ARHGAP28: variants seen among roughly 807,000 people sequenced by gnomAD.
The protein encoded by ARHGAP28 is rho GTPase-activating protein 28.
In ARHGAP28, 56 loss-of-function variants were observed where a neutral mutation model predicts 90.7. That is an observed-to-expected ratio of 0.62 (90% confidence interval 0.50 to 0.77). The LOEUF is 0.77. Among genes scored for constraint, ARHGAP28 ranks in the 30% least tolerant of loss-of-function variants. The probability of loss-of-function intolerance (pLI) is 0.00; values close to 1 mark genes in which losing one functional copy is unlikely to be tolerated. For synonymous variants in ARHGAP28, 308 were observed against 323.3 expected (o/e 0.95, Z 0.51); for missense variants, 869 against 900.9 (o/e 0.96, Z 0.45).
rs1374421389 is a variant in ARHGAP28, at chr18:6,908,864, C to A, written c.2031-96C>A. 4.1e-6 allele frequency: 3 copies of A among 723,540 alleles called. No individual in the cohort carries two copies. The Admixed American group carries it at 7.5e-5, about 18-fold the overall frequency. The allele number at this position is 723,540 out of a possible 1,614,324, so 44.8% of individuals were successfully genotyped here. A position where few individuals can be genotyped will look rare whatever the true frequency, so the allele number is the denominator to read the frequency against. On this transcript the variant is annotated intron_variant, in intron 16 of 17. Transcript: ENST00000383472. Reference sequence around the variant, plus strand: ...TTTTGTGGGACACATTTCGTCAAGGCAGAATGAATTGTTTGTTGCCTGGTT... The same window carrying A: ...TTTTGTGGGACACATTTCGTCAAGGAAGAATGAATTGTTTGTTGCCTGGTT...
At chr18:6,785,342 G>A (rs2056357213) in intron 1 of ARHGAP28, among the ~76,000 whole-genome samples, 1 of 152,126 alleles carries the variant, frequency 6.6e-6, no homozygotes, top group African/African-American at 2.4e-5. Context: ...CATTCAAGAG[G>A]ACCAGGTGTG....
At chr18:6,843,900 C>T (rs1338481666) in intron 3 of ARHGAP28, among the ~76,000 whole-genome samples, 1 of 152,086 alleles carries the variant, frequency 6.6e-6, no homozygotes, top group Non-Finnish European at 1.5e-5. Context: ...AAGGAATAGA[C>T]ATTTAACCTT....
At chr18:6,855,275 C>T (rs67382010) in intron 4 of ARHGAP28, among the ~76,000 whole-genome samples, 17,346 of 152,178 alleles carry the variant, frequency 0.11, 1,376 homozygotes, top group East Asian at 0.32. Flanking sequence ...ACCATTCAGT[C>T]AATTGGATGG....
chr18:6,876,181 ACTT>A lies in ARHGAP28; in HGVS notation c.1264_1266del (p.Leu422del). 6.2e-7 allele frequency: 1 copy of A among 1,614,056 alleles called. No homozygotes were observed. The highest frequency in any genetic ancestry group is 8.5e-7 in the Non-Finnish European group (1 of 1,179,978). On this transcript the variant is annotated inframe_deletion, in exon 10 of 18. Transcript: ENST00000383472. The stretch of plus-strand genomic sequence containing the variant: ...GTCTGGAATCTGAAGGAATTTTTCG[ACTT>A]TCAGGATGTACTGCTAAAGTCAAGG...
chr18:6,882,493 A>T (rs1322708885), intron 11 of ARHGAP28, 194 bp downstream of exon 11: 8 of 445,326 alleles, frequency 1.8e-5, no homozygotes, highest in Non-Finnish European at 3.0e-5. Context: ...TTAGGGTTTT[A>T]TAATCATTAA....
At chr18:6,799,560 G>T (rs1451854560) in intron 1 of ARHGAP28, among the ~76,000 whole-genome samples, 4 of 152,060 alleles carry the variant, frequency 2.6e-5, no homozygotes, top group African/African-American at 7.2e-5. Context: ...CAGAACAGAG[G>T]TCTCAGAAAT....
chr18:6,811,735 T>G (rs1028619594), intron 1 of ARHGAP28, among the ~76,000 whole-genome samples: 1 of 152,168 alleles, frequency 6.6e-6, no homozygotes. Flanking sequence ...TTCTTTTTTT[T>G]AATTCTTCCT....
rs548099751 is a variant in ARHGAP28, at chr18:6,809,060, C to T, written c.123-15702C>T. On this transcript the variant is annotated intron_variant, in intron 1 of 17. Coordinates refer to ENST00000383472, the MANE Select transcript of ARHGAP28 (RefSeq NM_001366230.1). Reference sequence around the variant, plus strand: ...CTGCTTCTTCACCTCAGTGAGACTACTGGGCTCTGTGCAGGAACTCCTTCC... The same window carrying T: ...CTGCTTCTTCACCTCAGTGAGACTATTGGGCTCTGTGCAGGAACTCCTTCC... Among the ~76,000 whole-genome samples the T allele has an allele frequency of 1.9e-4, 29 of 152,326 alleles. 1 individual carries two copies. In the Middle Eastern group the frequency reaches 0.01, roughly 54 times the overall value.
At chr18:6,783,499 C>G (rs546370330) in intron 1 of ARHGAP28, among the ~76,000 whole-genome samples, 100 of 143,750 alleles carry the variant, frequency 7.0e-4, no homozygotes, top group African/African-American at 2.9e-3. Flanking sequence ...CGGGGTTTCT[C>G]CATGTTGGTC....
chr18:6,882,038 GT>G (rs1454006034), intron 10 of ARHGAP28, 98 bp from the exon 11 acceptor site: 15 of 1,170,184 alleles, frequency 1.3e-5, no homozygotes, highest in South Asian at 7.7e-5. Flanking sequence ...TTACCAGTCT[GT>G]TTACAAAAAC....
chr18:6,911,976 C>T (rs2057401777), intron 17 of ARHGAP28, 84 bp from the exon 18 acceptor site: 1 of 813,732 alleles, frequency 1.2e-6, no homozygotes, highest in East Asian at 2.7e-5. Flanking sequence ...ATTTGAACCT[C>T]ACAAACACAC....
rs890524356 is a variant in ARHGAP28, at chr18:6,799,296, A to G, written c.123-25466A>G. Among the ~76,000 whole-genome samples, 6 of 149,602 alleles carry G rather than the reference A, an allele frequency of 4.0e-5. No homozygotes were observed. The South Asian group carries it at 1.3e-3, about 31-fold the overall frequency. ...TAGATAGGAAGAATCAGTATTGTGA[A>G]AATGGCCATACTACCCAAAGTAATT... On this transcript the variant is annotated intron_variant, in intron 1 of 17. Coordinates refer to ENST00000383472, the MANE Select transcript of ARHGAP28 (RefSeq NM_001366230.1).
At chr18:6,758,318 T>C (rs917039484) in intron 1 of ARHGAP28, among the ~76,000 whole-genome samples, 3 of 151,758 alleles carry the variant, frequency 2.0e-5, no homozygotes, top group South Asian at 4.1e-4. Context: ...GAGATTCTGC[T>C]CTGGAGTCTG....
intron 9 of ARHGAP28, among the ~76,000 whole-genome samples, chr18:6,874,143 A>G (rs1227939957): frequency 6.6e-6 from 1 of 152,254 alleles, no homozygotes; most frequent in African/African-American, 2.4e-5. Flanking sequence ...CTAGATAAAG[A>G]TGACCATTAA....
At chr18:6,742,668 G>C (rs1027498331) in intron 1 of ARHGAP28, among the ~76,000 whole-genome samples, 1 of 152,168 alleles carries the variant, frequency 6.6e-6, no homozygotes, top group Non-Finnish European at 1.5e-5. Flanking sequence ...AAGGCTGAAA[G>C]TTCTAAGCTA....
intron 16 of ARHGAP28, chr18:6,897,262 A>G (rs901279942): frequency 6.6e-6 from 1 of 152,212 alleles, no homozygotes; most frequent in Non-Finnish European, 1.5e-5. Flanking sequence ...AGTTTTGTAG[A>G]TATCTTGATA....
chr18:6,846,628 T>C (rs1437609220), intron 3 of ARHGAP28, among the ~76,000 whole-genome samples: 1 of 152,202 alleles, frequency 6.6e-6, no homozygotes, highest in African/African-American at 2.4e-5. Context: ...ACCAGGACAC[T>C]TGGCCCGAGG....
chr18:6,834,519 G>A (rs2056738213), intron 2 of ARHGAP28: 1 of 152,108 alleles, frequency 6.6e-6, no homozygotes, highest in Non-Finnish European at 1.5e-5. Context: ...AGGAGAGTAT[G>A]GTATAAGCAT....
At chr18:6,847,998 AG>A (rs1208315652) in intron 3 of ARHGAP28, among the ~76,000 whole-genome samples, 1 of 152,146 alleles carries the variant, frequency 6.6e-6, no homozygotes, top group African/African-American at 2.4e-5. Flanking sequence ...AGTTCATTTA[AG>A]CCAAGGAGCC....
Sources: allele counts gnomAD v4.1 joint callset (sites outside exome capture counted in the v4.1 genomes callset), GRCh38; gene constraint gnomAD v4.1.1; transcripts MANE v1.5; gene names NCBI Gene and HGNC (gene_info 2026-07-23, HGNC 2026-07-21).